Variants in LRRC8B observed in about 807,000 individuals in gnomAD.
The protein encoded by LRRC8B is volume-regulated anion channel subunit LRRC8B.
Under a neutral mutation model 58.8 loss-of-function variants are expected in LRRC8B, and 23 were observed. The observed-to-expected ratio is 0.39, with a 90% CI of 0.28 to 0.55. The LOEUF (loss-of-function observed/expected upper bound fraction) is 0.55, where lower values mean the gene tolerates loss of function less well. Among genes scored for constraint, LRRC8B ranks in the 20% least tolerant of loss-of-function variants. The probability of loss-of-function intolerance (pLI) is 0.62; values close to 1 mark genes in which losing one functional copy is unlikely to be tolerated. For synonymous variants in LRRC8B, 359 were observed against 374.1 expected (o/e 0.96, Z 0.47); for missense variants, 694 against 936.0 (o/e 0.74, Z 3.37).
chr1:89,592,855 C>A lies in LRRC8B; in HGVS notation c.2224C>A (p.Pro742Thr). Residue 742 changes from proline (P) to threonine (T), a missense_variant, in exon 6 of 6, where the codon CCT becomes ACT. Physicochemically the swap from Pro to Thr is conservative, Grantham distance 38 (BLOSUM62 -1). Transcript: ENST00000330947. ...LGKNSLMNLSPHVGELSNLTH... is the reference protein window; with the variant it reads ...LGKNSLMNLSTHVGELSNLTH... ...GAAAAATAGCTTGATGAATTTGTCC[C>A]CTCATGTGGGTGAGCTGTCAAACCT... The A allele has an allele frequency of 6.2e-7, 1 of 1,613,922 alleles. No homozygotes were observed. The highest frequency in any genetic ancestry group is 8.5e-7 in the Non-Finnish European group (1 of 1,179,972).
Position 89,583,909 on chromosome 1 carries a change from A to T in LRRC8B, c.1259A>T (p.Asp420Val). The T allele has an allele frequency of 6.2e-7, 1 of 1,614,240 alleles. No homozygotes were observed. Among genetic ancestry groups the T allele is most frequent in the Non-Finnish European group, 8.5e-7 (1 of 1,180,032 alleles). The change falls in exon 5 of 6, where the codon GAC becomes GTC. Residue 420 changes from aspartate to valine, a missense_variant. Transcript: ENST00000330947. The surrounding 1 kb of genome is among the most constrained non-coding windows in gnomAD (Gnocchi z 5.2). ...AGTAAGCTTGTGAAAAATGCCCAGG[A>T]CAAGATAGAACTGCATCTTTTTATG... ...LKSKLVKNAQ[D>V]KIELHLFMLN...
intron 3 of LRRC8B, among the ~76,000 whole-genome samples, chr1:89,569,069 GAA>G (rs1653241003): frequency 6.6e-6 from 1 of 152,144 alleles, no homozygotes; most frequent in Non-Finnish European, 1.5e-5. Flanking sequence ...CACAATGAAT[GAA>G]GAATTTGTAC....
intron 3 of LRRC8B, among the ~76,000 whole-genome samples, chr1:89,574,819 C>A (rs897202658): frequency 3.9e-5 from 6 of 152,098 alleles, no homozygotes; most frequent in African/African-American, 1.4e-4. Context: ...GCCTCAGGTC[C>A]AAAGATCAGA....
At chr1:89,542,758 A>G (rs1420021208) in intron 1 of LRRC8B, among the ~76,000 whole-genome samples, 1 of 152,210 alleles carries the variant, frequency 6.6e-6, no homozygotes, top group Admixed American at 6.5e-5. Flanking sequence ...CACTTATAAA[A>G]ATACTTAACA....
At chr1:89,591,630 C>T (rs1654981933) in intron 5 of LRRC8B, among the ~76,000 whole-genome samples, 1 of 152,148 alleles carries the variant, frequency 6.6e-6, no homozygotes, top group Non-Finnish European at 1.5e-5. Context: ...ACATCATTAA[C>T]ATTTTTAATG....
intron 3 of LRRC8B, among the ~76,000 whole-genome samples, chr1:89,573,113 A>G (rs1653584978): frequency 6.6e-6 from 1 of 152,132 alleles, no homozygotes; most frequent in Admixed American, 6.5e-5. Context: ...ATCCTAGCTA[A>G]CATGGTGAAA....
chr1:89,580,632 A>G (rs541154590), intron 4 of LRRC8B, among the ~76,000 whole-genome samples: 19 of 152,174 alleles, frequency 1.2e-4, no homozygotes, highest in Non-Finnish European at 2.4e-4. Flanking sequence ...TATGTAAGGC[A>G]GAGAGGTGAG....
chr1:89,583,797 C>T lies in LRRC8B; in HGVS notation c.1147C>T (p.Arg383Cys), dbSNP rs1268577819. The change falls in exon 5 of 6, where the codon CGC (arginine) becomes TGC (cysteine). Residue 383 changes from arginine (R) to cysteine (C), a missense_variant. By Grantham distance (180) the Arg-to-Cys change is radical. This residue lies in a region of LRRC8B where 24 missense variants were observed against 63.2 expected (regional missense o/e 0.38). Transcript: ENST00000330947. This position sits in a 1 kb window ranked among gnomAD's most constrained non-coding sequence, Gnocchi z 5.2. ...ADQYDPLYSK[R>C]FSIFLSEVSE... ...TCAGTATGATCCTCTTTATTCCAAACGCTTCTCCATATTCCTATCAGAGGT... is the reference window on the plus strand; with the variant it reads ...TCAGTATGATCCTCTTTATTCCAAATGCTTCTCCATATTCCTATCAGAGGT... The T allele has an allele frequency of 3.1e-6, 5 of 1,614,030 alleles. No individual in the cohort carries two copies. Among genetic ancestry groups the T allele is most frequent in the Non-Finnish European group, 4.2e-6 (5 of 1,180,034 alleles).
At chr1:89,578,298 A>G (rs1653992249) in intron 3 of LRRC8B, among the ~76,000 whole-genome samples, 1 of 152,232 alleles carries the variant, frequency 6.6e-6, no homozygotes, top group South Asian at 2.1e-4. Flanking sequence ...CTGGCATGTT[A>G]CAAATGCAGC....
At chr1:89,587,636 A>G (rs1477078759) in intron 5 of LRRC8B, among the ~76,000 whole-genome samples, 1 of 152,240 alleles carries the variant, frequency 6.6e-6, no homozygotes, top group African/African-American at 2.4e-5. Flanking sequence ...GCAGTTAATA[A>G]AGATTCCTAT....
At chr1:89,544,408 T>G (rs1347091603) in intron 1 of LRRC8B, among the ~76,000 whole-genome samples, 1 of 152,230 alleles carries the variant, frequency 6.6e-6, no homozygotes, top group Non-Finnish European at 1.5e-5. Flanking sequence ...TTCTATGATT[T>G]TGACCTAATA....
At chr1:89,527,595 A>G (rs1162278513) in intron 1 of LRRC8B, among the ~76,000 whole-genome samples, 3 of 152,160 alleles carry the variant, frequency 2.0e-5, no homozygotes, top group African/African-American at 7.2e-5. Context: ...TTTGTGTCAT[A>G]TCTGTTTTCA....
At chr1:89,546,165 G>T (rs1363380791) in intron 1 of LRRC8B, among the ~76,000 whole-genome samples, 1 of 152,154 alleles carries the variant, frequency 6.6e-6, no homozygotes, top group East Asian at 1.9e-4. Context: ...TAGTAGGAAG[G>T]GTTGGAAAAG....
At chr1:89,572,129 G>A (rs1653517342) in intron 3 of LRRC8B, among the ~76,000 whole-genome samples, 1 of 152,066 alleles carries the variant, frequency 6.6e-6, no homozygotes, top group Non-Finnish European at 1.5e-5. Context: ...TGAAATTCTG[G>A]GTTAAAATTT....
At chr1:89,528,551 G>A (rs573833815) in intron 1 of LRRC8B, among the ~76,000 whole-genome samples, 2 of 152,308 alleles carry the variant, frequency 1.3e-5, no homozygotes, top group East Asian at 1.9e-4. Flanking sequence ...CACTTTGGAT[G>A]AGTTGTGGAT....
At chr1:89,541,594 C>T (rs868777444) in intron 1 of LRRC8B, among the ~76,000 whole-genome samples, 108 of 149,428 alleles carry the variant, frequency 7.2e-4, no homozygotes, top group African/African-American at 2.5e-3. Flanking sequence ...GCCTGTAGTC[C>T]CAGCTACTTG....
At chr1:89,551,113 C>T (rs1030671201) in intron 1 of LRRC8B, among the ~76,000 whole-genome samples, 1 of 151,986 alleles carries the variant, frequency 6.6e-6, no homozygotes, top group Non-Finnish European at 1.5e-5. Flanking sequence ...AGGCAACACC[C>T]CTCTGCTCTT....
chr1:89,541,057 T>A (rs550164819), intron 1 of LRRC8B, among the ~76,000 whole-genome samples: 66 of 152,332 alleles, frequency 4.3e-4, no homozygotes, highest in Middle Eastern at 6.8e-3. Flanking sequence ...ACTTTTTAAA[T>A]TATAGCTTCT....
chr1:89,571,984 T>C (rs1653506060), intron 3 of LRRC8B, among the ~76,000 whole-genome samples: 1 of 152,206 alleles, frequency 6.6e-6, no homozygotes, highest in South Asian at 2.1e-4. Context: ...CTCAATGATC[T>C]GTCTAATATT....
Sources: gnomAD v4.1 joint callset for allele counts (sites outside exome capture counted in the v4.1 genomes callset) on GRCh38, gnomAD v4.1.1 for gene constraint, gnomAD v4.1.1 regional missense constraint, Gnocchi (gnomAD v3.1) non-coding constraint, MANE v1.5 for transcripts, NCBI Gene and HGNC (gene_info 2026-07-23, HGNC 2026-07-21) for gene names.